HDGFL3: variants seen among roughly 807,000 people sequenced by gnomAD.
The protein encoded by HDGFL3 is hepatoma-derived growth factor-related protein 3.
A neutral mutation model predicts 27.6 loss-of-function variants in HDGFL3; 6 were observed. The ratio of observed to expected loss-of-function variants is 0.22; its 90% CI spans 0.12 to 0.43. The LOEUF is 0.43. Ranked by LOEUF, HDGFL3 falls within the 20% of genes least tolerant of loss-of-function variation. The pLI is 1.00. For synonymous variants in HDGFL3, 88 were observed against 88.9 expected (o/e 0.99, Z 0.05); for missense variants, 207 against 250.1 (o/e 0.83, Z 1.16).
chr15:83,143,581 C>G (rs557844435), intron 5 of HDGFL3, among the ~76,000 whole-genome samples: 55 of 151,732 alleles, frequency 3.6e-4, no homozygotes, highest in Non-Finnish European at 6.9e-4. Flanking sequence ...AACTCCATCT[C>G]AAACAAACAA....
At chr15:83,206,728 G>A (rs1278437959) in intron 1 of HDGFL3, among the ~76,000 whole-genome samples, 1 of 152,202 alleles carries the variant, frequency 6.6e-6, no homozygotes, top group Non-Finnish European at 1.5e-5. Flanking sequence ...AAGAACGATG[G>A]GCACCAGAGA....
intron 1 of HDGFL3, among the ~76,000 whole-genome samples, chr15:83,206,128 A>G (rs1053001183): frequency 2.6e-5 from 4 of 152,196 alleles, no homozygotes; most frequent in Admixed American, 2.6e-4. Context: ...TGCCAAACCA[A>G]ATATTTAAAA....
At chr15:83,169,495 TAG>T (rs2037218975) in intron 1 of HDGFL3, among the ~76,000 whole-genome samples, 1 of 143,852 alleles carries the variant, frequency 7.0e-6, no homozygotes, top group Admixed American at 7.0e-5. Context: ...TCGCTGATGA[TAG>T]AGTCTGTATC....
intron 1 of HDGFL3, among the ~76,000 whole-genome samples, chr15:83,200,597 T>C (rs572622711): frequency 2.0e-5 from 3 of 152,334 alleles, no homozygotes; most frequent in South Asian, 2.1e-4. Context: ...AATTAGCAAA[T>C]AGTTCTTTCA....
rs2036191871 is a variant in HDGFL3, at chr15:83,130,995, G to A, written c.*8275C>T. On this transcript the variant is annotated 3_prime_UTR_variant, in exon 6 of 6. Coordinates refer to ENST00000299633, the MANE Select transcript of HDGFL3 (RefSeq NM_016073.4). ...AGTCCCAGCTACTAGGAAGGCTGAG[G>A]TGGGAGGATCACTTGAACCAGGAGG... 1 of 152,232 alleles carries A rather than the reference G, an allele frequency of 6.6e-6. No homozygotes were observed. Among genetic ancestry groups the A allele is most frequent in the South Asian group, 2.1e-4 (1 of 4,834 alleles). 9.4% of individuals were successfully genotyped at this position (152,232 alleles called of 1,614,324 possible).
intron 1 of HDGFL3, among the ~76,000 whole-genome samples, chr15:83,203,335 T>G (rs1265615708): frequency 6.6e-6 from 1 of 152,094 alleles, no homozygotes; most frequent in Non-Finnish European, 1.5e-5. Context: ...ACTAGTATTT[T>G]ATATGCAAGT....
At chr15:83,189,959 A>G (rs542507212) in intron 1 of HDGFL3, among the ~76,000 whole-genome samples, 1 of 152,256 alleles carries the variant, frequency 6.6e-6, no homozygotes, top group Admixed American at 6.5e-5. Context: ...TGATTCCAGC[A>G]CTTTGGGAGG....
intron 1 of HDGFL3, among the ~76,000 whole-genome samples, chr15:83,170,350 G>A (rs747591531): frequency 1.2e-4 from 18 of 152,122 alleles, no homozygotes; most frequent in Non-Finnish European, 2.2e-4. Flanking sequence ...AAAACAGCAT[G>A]GTACTGGTAC....
intron 5 of HDGFL3, among the ~76,000 whole-genome samples, chr15:83,143,935 T>C (rs1396826472): frequency 6.6e-6 from 1 of 152,192 alleles, no homozygotes; most frequent in Non-Finnish European, 1.5e-5. Flanking sequence ...TATAAGACTT[T>C]ATTGTCATTT....
At chr15:83,141,731 G>A (rs2036775787) in intron 5 of HDGFL3, among the ~76,000 whole-genome samples, 2 of 152,120 alleles carry the variant, frequency 1.3e-5, no homozygotes, top group South Asian at 4.1e-4. Flanking sequence ...TTACAGGTGT[G>A]AGCCACCAAA....
chr15:83,200,039 C>T (rs1294993896), intron 1 of HDGFL3, among the ~76,000 whole-genome samples: 11 of 106,516 alleles, frequency 1.0e-4, no homozygotes, highest in Non-Finnish European at 1.6e-4. Flanking sequence ...AGCGAAACTC[C>T]ATCTCAAAAA....
chr15:83,200,036 C>A (rs1351966582), intron 1 of HDGFL3, among the ~76,000 whole-genome samples: 2 of 130,024 alleles, frequency 1.5e-5, no homozygotes. Context: ...CAAAGCGAAA[C>A]TCCATCTCAA....
At chr15:83,199,938 C>G (rs1214573349) in intron 1 of HDGFL3, among the ~76,000 whole-genome samples, 1 of 150,350 alleles carries the variant, frequency 6.7e-6, no homozygotes, top group East Asian at 2.0e-4. Flanking sequence ...CTCAGCTACT[C>G]AGGAGACTGA....
intron 4 of HDGFL3, among the ~76,000 whole-genome samples, 185 bp from the exon 5 acceptor site, chr15:83,151,546 G>A (rs2036963839): frequency 6.6e-6 from 1 of 152,196 alleles, no homozygotes; most frequent in Non-Finnish European, 1.5e-5. Flanking sequence ...CACCTCATTG[G>A]ACCTCAGTTT....
At chr15:83,146,684 T>C (rs951815344) in intron 5 of HDGFL3, among the ~76,000 whole-genome samples, 2 of 152,214 alleles carry the variant, frequency 1.3e-5, no homozygotes, top group Admixed American at 6.5e-5. Flanking sequence ...TGTGACTGAA[T>C]AATTGAATAT....
chr15:83,196,809 T>C (rs990453644), intron 1 of HDGFL3, among the ~76,000 whole-genome samples: 1 of 152,338 alleles, frequency 6.6e-6, no homozygotes, highest in Non-Finnish European at 1.5e-5. Flanking sequence ...TTTTCATTTA[T>C]AAGCAAAAGA....
chr15:83,190,895 T>C (rs957016029), intron 1 of HDGFL3, among the ~76,000 whole-genome samples: 6 of 152,208 alleles, frequency 3.9e-5, no homozygotes, highest in Non-Finnish European at 8.8e-5. Context: ...TCCACACTTT[T>C]ATCTATGTAG....
chr15:83,152,080 A>C (rs1259476352), intron 4 of HDGFL3, among the ~76,000 whole-genome samples: 1 of 152,220 alleles, frequency 6.6e-6, no homozygotes, highest in Non-Finnish European at 1.5e-5. Flanking sequence ...TGTGCGCCTT[A>C]AGAAAGTAAA....
chr15:83,132,371 A>G lies in HDGFL3; in HGVS notation c.*6899T>C, dbSNP rs962958281. ...GTGAAAGCTTTGGGACAGACTCACC[A>G]TGGGCTTGGTAAGGAGCCTGCCATC... On this transcript the variant is annotated 3_prime_UTR_variant, in exon 6 of 6. Transcript: ENST00000299633. 1 of 152,232 alleles carries G rather than the reference A, an allele frequency of 6.6e-6. No homozygotes were observed. Among genetic ancestry groups the G allele is most frequent in the Non-Finnish European group, 1.5e-5 (1 of 68,054 alleles). 9.4% of individuals were successfully genotyped at this position (152,232 alleles called of 1,614,324 possible). A position where few individuals can be genotyped will look rare whatever the true frequency, so the allele number is the denominator to read the frequency against.
Sources: gnomAD v4.1 joint callset for allele counts (sites outside exome capture counted in the v4.1 genomes callset) on GRCh38, gnomAD v4.1.1 for gene constraint, MANE v1.5 for transcripts, NCBI Gene and HGNC (gene_info 2026-07-23, HGNC 2026-07-21) for gene names.